Variants in RBM41 observed in about 807,000 individuals in gnomAD.
RBM41 encodes the protein RNA-binding protein 41.
A neutral mutation model predicts 30.8 loss-of-function variants in RBM41; 14 were observed. The ratio of observed to expected loss-of-function variants is 0.45; its 90% CI spans 0.30 to 0.71. The LOEUF (loss-of-function observed/expected upper bound fraction) is 0.71, where lower values mean the gene tolerates loss of function less well. RBM41 is among the 30% of genes least tolerant of loss of function. RBM41 has a pLI of 0.08. For synonymous variants in RBM41, 120 were observed against 110.1 expected, an observed-to-expected ratio of 1.09 and a Z score of -0.56; for missense variants, 276 against 326.3, an observed-to-expected ratio of 0.85 and a Z score of 1.19.
rs1193142977 is a variant in RBM41, at chrX:107,104,414, T to C, written c.595+8983A>G. The stretch of plus-strand genomic sequence containing the variant: ...CAGATGGTAATATAATGGTTCTTTG[T>C]GATAAAATTCTTTCATCTTTTCTGT... On this transcript the variant is annotated intron_variant, in intron 5 of 7. Transcript: ENST00000685964. 4.5e-5 allele frequency among the ~76,000 whole-genome samples: 5 copies of C among 111,403 alleles called. No individual in the cohort carries two copies. The East Asian group carries it at 1.4e-3, about 31-fold the overall frequency.
intron 5 of RBM41, among the ~76,000 whole-genome samples, chrX:107,105,627 G>A (rs1335199387): frequency 9.0e-6 from 1 of 111,211 alleles, no homozygotes; most frequent in Non-Finnish European, 1.9e-5. Flanking sequence ...ATACTACAAG[G>A]CTACAGTAAC....
intron 7 of RBM41, among the ~76,000 whole-genome samples, chrX:107,068,141 A>T (rs1935912101): frequency 9.0e-6 from 1 of 110,987 alleles, no homozygotes; most frequent in African/African-American, 3.3e-5. Flanking sequence ...GGGCCACCTT[A>T]TTGGGATAAA....
chrX:107,115,039 T>C (rs1924781172), intron 4 of RBM41: 2 of 243,547 alleles, frequency 8.2e-6, no homozygotes, highest in African/African-American at 5.7e-5. Flanking sequence ...TCCCCTTTAT[T>C]TACCTGACAA....
chrX:107,117,820 AC>A (rs1361797744), intron 1 of RBM41, among the ~76,000 whole-genome samples: 2 of 111,964 alleles, frequency 1.8e-5, no homozygotes, highest in Non-Finnish European at 3.8e-5. Context: ...GGGAAGAGAC[AC>A]AGTAGACTTC....
chrX:107,114,645 T>C (rs1295989580), intron 4 of RBM41: 1 of 110,884 alleles, frequency 9.0e-6, no homozygotes, highest in African/African-American at 3.3e-5. Flanking sequence ...TTGCCTCCTC[T>C]GAACTCCAAC....
At chrX:107,072,350 G>A (rs1329193367) in intron 6 of RBM41, among the ~76,000 whole-genome samples, 1 of 111,105 alleles carries the variant, frequency 9.0e-6, no homozygotes, top group African/African-American at 3.3e-5. Flanking sequence ...TTCTACACAC[G>A]AACAGCAAAC....
At chrX:107,056,401 T>C in the RBM41 span, among the ~76,000 whole-genome samples, 2 of 112,167 alleles carry the variant, frequency 1.8e-5, no homozygotes, top group African/African-American at 3.2e-5. Context: ...ACTAGCCTCA[T>C]AGAATGTGTT....
In RBM41 at chrX:107,065,609, G is replaced by A. The variant is rs1935807282; in HGVS notation, c.*1918C>T. The A allele has an allele frequency of 2.2e-6, 1 of 464,242 alleles. No homozygotes were observed. Among genetic ancestry groups the A allele is most frequent in the Non-Finnish European group, 3.3e-6 (1 of 307,039 alleles). 38.3% of individuals were successfully genotyped at this position (464,242 alleles called of 1,213,427 possible). A position where few individuals can be genotyped will look rare whatever the true frequency, so the allele number is the denominator to read the frequency against. ...TAATTTTACATCTTTAAAAGAAGCT[G>A]AGAGAAGAGTAAGTATATGTTTATA... On this transcript the variant is annotated 3_prime_UTR_variant, in exon 8 of 8. Coordinates refer to ENST00000685964, the MANE Select transcript of RBM41 (RefSeq NM_001324242.2).
intron 5 of RBM41, among the ~76,000 whole-genome samples, chrX:107,090,639 C>G (rs1922449893): frequency 9.0e-6 from 1 of 110,624 alleles, no homozygotes; most frequent in Non-Finnish European, 1.9e-5. Flanking sequence ...CCCTTGGTTC[C>G]TTTTAGTAGG....
the RBM41 span, among the ~76,000 whole-genome samples, chrX:107,055,321 TA>T: frequency 8.9e-6 from 1 of 112,063 alleles, no homozygotes; most frequent in Non-Finnish European, 1.9e-5. Flanking sequence ...GTACAAGTTT[TA>T]TTTTTTTATT....
At chrX:107,105,418 A>T (rs1193043164) in intron 5 of RBM41, among the ~76,000 whole-genome samples, 1 of 106,654 alleles carries the variant, frequency 9.4e-6, no homozygotes, top group Non-Finnish European at 1.9e-5. Flanking sequence ...AGGAAGAATC[A>T]ATATCGTGAA....
chrX:107,104,884 A>G (rs1923807964), intron 5 of RBM41, among the ~76,000 whole-genome samples: 1 of 110,997 alleles, frequency 9.0e-6, no homozygotes, highest in Non-Finnish European at 1.9e-5. Context: ...AATAAGAGCT[A>G]TCTATGACAG....
chrX:107,059,363 A>C (rs1345630581), downstream of RBM41, among the ~76,000 whole-genome samples: 8 of 110,699 alleles, frequency 7.2e-5, no homozygotes, highest in Middle Eastern at 4.2e-3. Flanking sequence ...AAGGGGAGGG[A>C]GAGCATCAGG....
chrX:107,055,200 T>C, the RBM41 span, among the ~76,000 whole-genome samples: 6 of 113,061 alleles, frequency 5.3e-5, no homozygotes, highest in African/African-American at 1.9e-4. Context: ...CTGAGTAATA[T>C]TCCATTGTGT....
intron 5 of RBM41, chrX:107,112,781 A>G: frequency 3.2e-6 from 1 of 309,723 alleles, no homozygotes; most frequent in South Asian, 3.0e-5. Context: ...CCAGTCTCAC[A>G]AGGTTACATG....
chrX:107,116,528 T>C (rs1249776255), intron 2 of RBM41, 122 bp downstream of exon 2: 1 of 1,037,391 alleles, frequency 9.6e-7, no homozygotes, highest in African/African-American at 1.9e-5. Context: ...CCCTACCTAA[T>C]ACATTGAAGT....
In RBM41 at chrX:107,116,026, G is replaced by A. The variant is rs756498589; in HGVS notation, c.154C>T (p.Pro52Ser). 2.5e-6 allele frequency: 3 copies of A among 1,184,126 alleles called. No homozygotes were observed. The highest frequency in any genetic ancestry group is 2.3e-6 in the Non-Finnish European group (2 of 880,708). ...ECMSKKESFA[P>S]GTMYKPFGKE... ...CCAAAGGGCTTGTACATAGTACCAG[G>A]AGCAAAGCTCTCTTTCTTAGACATA... Residue 52 changes from proline (P) to serine (S), a missense_variant, in exon 3 of 8, where the codon CCT becomes TCT. By Grantham distance (74) the Pro-to-Ser change is moderately conservative (BLOSUM62 -1). Coordinates refer to ENST00000685964, the MANE Select transcript of RBM41 (RefSeq NM_001324242.2).
At chrX:107,069,108 G>GA in intron 7 of RBM41, 147 bp downstream of exon 7, 4 of 533,844 alleles carry the variant, frequency 7.5e-6, no homozygotes, top group Non-Finnish European at 1.2e-5. Flanking sequence ...GAAACAGAAA[G>GA]AAACACTGAA....
Position 107,077,462 on chromosome X carries a change from A to G in RBM41, c.1000-8060T>C, listed in dbSNP as rs1367373702. On this transcript the variant is annotated intron_variant, in intron 6 of 7. Coordinates refer to ENST00000685964, the MANE Select transcript of RBM41 (RefSeq NM_001324242.2). ...TGAATAATTTTTAAAAATAAAGAGG[A>G]CTTCTGGTTGAGGTGGCTCTGTCAG... is the stretch of plus-strand genomic sequence containing the variant. Among the ~76,000 whole-genome samples, 8 of 110,190 alleles carry G rather than the reference A, an allele frequency of 7.3e-5. No individual in the cohort carries two copies. The Admixed American group carries it at 7.8e-4, about 11-fold the overall frequency.
Sources: allele counts gnomAD v4.1 joint callset (sites outside exome capture counted in the v4.1 genomes callset), GRCh38; gene constraint gnomAD v4.1.1; transcripts MANE v1.5; gene names NCBI Gene and HGNC (gene_info 2026-07-23, HGNC 2026-07-21).